CIBAR1: variants seen among roughly 807,000 people sequenced by gnomAD.
CIBAR1 encodes the protein CBY1-interacting BAR domain-containing protein 1.
CIBAR1 carries 25 observed loss-of-function variants against 44.0 expected under a neutral mutation model. That is an observed-to-expected ratio of 0.57 (90% CI 0.41 to 0.79). CIBAR1 has a LOEUF of 0.79. Among genes scored for constraint, CIBAR1 ranks in the 30% least tolerant of loss-of-function variants. The probability of loss-of-function intolerance (pLI) is 0.00; values close to 1 mark genes in which losing one functional copy is unlikely to be tolerated. For missense variants in CIBAR1, 278 were observed against 344.8 expected, an observed-to-expected ratio of 0.81 and a Z score of 1.53; for synonymous variants, 115 against 119.0, an observed-to-expected ratio of 0.97 and a Z score of 0.22.
intron 5 of CIBAR1, 80 bp downstream of exon 5, chr8:93,708,096 A>C: frequency 8.7e-7 from 1 of 1,144,740 alleles, no homozygotes; most frequent in South Asian, 1.8e-5. Flanking sequence ...CATTTTCTTG[A>C]AAAAGAAAGC....
At chr8:93,724,550 C>G in intron 7 of CIBAR1, 2 of 1,231,820 alleles carry the variant, frequency 1.6e-6, no homozygotes, top group South Asian at 1.3e-5. Flanking sequence ...GTCTTGAACT[C>G]CTGGGGCTCA....
chr8:93,705,287 T>TTA, intron 4 of CIBAR1: 1 of 402,924 alleles, frequency 2.5e-6, no homozygotes, highest in Non-Finnish European at 4.4e-6. Context: ...TTTCTGAATT[T>TTA]TATTTTCACA....
Position 93,703,620 on chromosome 8 carries a change from G to A in CIBAR1, c.262G>A (p.Val88Ile). The A allele has an allele frequency of 1.3e-6, 2 of 1,531,272 alleles. No individual in the cohort carries two copies. Among genetic ancestry groups the A allele is most frequent in the Non-Finnish European group, 1.8e-6 (2 of 1,132,842 alleles). The allele number at this position is 1,531,272 out of a possible 1,614,324, so 94.9% of individuals were successfully genotyped here. A position where few individuals can be genotyped will look rare whatever the true frequency, so the allele number is the denominator to read the frequency against. ...AKLQDYRQAE[V>I]ERLEAKVVEP... ...TTAAAATTTTAATAATTTTCAATAG[G>A]TTGAAAGACTTGAAGCCAAAGTAGT... Residue 88 changes from valine to isoleucine, a missense_variant and splice_region_variant, in exon 3 of 9, where the codon GTT becomes ATT. By Grantham distance (29) the Val-to-Ile change is conservative. Transcript: ENST00000518322.
chr8:93,701,002 G>A (rs1810322198), intron 1 of CIBAR1: 1 of 1,419,470 alleles, frequency 7.0e-7, no homozygotes, highest in Non-Finnish European at 9.2e-7. Flanking sequence ...CCCCAGTTAA[G>A]GCCAGGCCCA....
At chr8:93,724,705 C>T (rs1811406392) in intron 7 of CIBAR1, 15 of 1,108,456 alleles carry the variant, frequency 1.4e-5, no homozygotes, top group Non-Finnish European at 1.7e-5. Flanking sequence ...GTAAAGTAGC[C>T]ATTAGGCATA....
intron 6 of CIBAR1, among the ~76,000 whole-genome samples, chr8:93,710,538 T>G (rs528058065): frequency 3.3e-5 from 5 of 151,918 alleles, no homozygotes; most frequent in African/African-American, 4.8e-5. Context: ...TGAGGTGGTG[T>G]TATGAAATTA....
At position 93,707,994 on chromosome 8, in the gene CIBAR1, T is replaced by C; in HGVS notation, c.433-17T>C. The C allele has an allele frequency of 6.4e-7, 1 of 1,552,532 alleles. No individual in the cohort carries two copies. The highest frequency in any genetic ancestry group is 1.4e-5 in the African/African-American group (1 of 74,064). On this transcript the variant is annotated splice_polypyrimidine_tract_variant and intron_variant, in intron 4 of 8. Transcript: ENST00000518322. ...ACTCTCTTTGAAATGTATTTTTTCC[T>C]TTATGAAAAATTTCAGTCACAGGTG...
At position 93,704,958 on chromosome 8, in the gene CIBAR1, TAACTC is replaced by T. The variant is rs1298765168; in HGVS notation, c.382_386del (p.Thr128ValfsTer11). On this transcript the variant is annotated frameshift_variant, in exon 4 of 9. Transcript: ENST00000518322. LOFTEE classifies it high-confidence loss of function. ...GCAAGGAATCGAGAAGCTAAGCAAT[TAACTC>T]AGTTAGAAAGAACACGTCAGCGAAA... is the stretch of plus-strand genomic sequence containing the variant. 3 of 1,612,442 alleles carry T rather than the reference TAACTC, an allele frequency of 1.9e-6. No individual in the cohort carries two copies. Among genetic ancestry groups the T allele is most frequent in the East Asian group, 4.5e-5 (2 of 44,804 alleles).
Position 93,729,516 on chromosome 8 carries a change from T to C in CIBAR1, c.*1219T>C, listed in dbSNP as rs1002118153. The stretch of plus-strand genomic sequence containing the variant: ...CAACTTCTCTTGAGCATTATTTGCC[T>C]TGTTTGTAAAGTTAAAACTGCGTAA... On this transcript the variant is annotated 3_prime_UTR_variant, in exon 9 of 9. Coordinates refer to ENST00000518322, the MANE Select transcript of CIBAR1 (RefSeq NM_145269.5). The C allele has an allele frequency of 1.2e-4, 18 of 152,240 alleles. No homozygotes were observed. Among genetic ancestry groups the C allele is most frequent in the Admixed American group, 4.6e-4 (7 of 15,286 alleles). The allele number at this position is 152,240 out of a possible 1,614,324, so 9.4% of individuals were successfully genotyped here.
chr8:93,706,081 G>GA (rs1810569042), intron 4 of CIBAR1: 1 of 152,206 alleles, frequency 6.6e-6, no homozygotes. Context: ...ACCACATGAG[G>GA]AGTGGCTCTT....
At chr8:93,718,338 A>G (rs914329580) in intron 6 of CIBAR1, among the ~76,000 whole-genome samples, 5 of 152,254 alleles carry the variant, frequency 3.3e-5, no homozygotes, top group African/African-American at 1.2e-4. Context: ...CTAATACTTA[A>G]TAAGCATATG....
intron 7 of CIBAR1, 77 bp downstream of exon 7, chr8:93,718,865 A>G (rs1410424154): frequency 3.2e-6 from 3 of 945,144 alleles, no homozygotes; most frequent in African/African-American, 1.7e-5. Context: ...TATGTGATTA[A>G]TATCTTTTTT....
chr8:93,712,909 A>G (rs1400245741), intron 6 of CIBAR1, among the ~76,000 whole-genome samples: 1 of 150,840 alleles, frequency 6.6e-6, no homozygotes, highest in African/African-American at 2.4e-5. Flanking sequence ...CAGCCTCCCA[A>G]AGTGCTGGCA....
In CIBAR1 at chr8:93,728,349, A is replaced by G. The variant is rs1413052311; in HGVS notation, c.*52A>G. The G allele has an allele frequency of 1.7e-6, 2 of 1,196,140 alleles. No homozygotes were observed. The highest frequency in any genetic ancestry group is 2.2e-5 in the Admixed American group (1 of 45,924). The allele number at this position is 1,196,140 out of a possible 1,614,324, so 74.1% of individuals were successfully genotyped here. A position where few individuals can be genotyped will look rare whatever the true frequency, so the allele number is the denominator to read the frequency against. On this transcript the variant is annotated 3_prime_UTR_variant, in exon 9 of 9. Coordinates refer to ENST00000518322, the MANE Select transcript of CIBAR1 (RefSeq NM_145269.5). The stretch of plus-strand genomic sequence containing the variant: ...ATGACTTGAAATCCACAATGACTAA[A>G]TTGTAGAACTTTATACTCACTTTGC...
chr8:93,712,836 C>T (rs1279216460), intron 6 of CIBAR1, among the ~76,000 whole-genome samples: 1 of 138,398 alleles, frequency 7.2e-6, no homozygotes, highest in African/African-American at 2.7e-5. Context: ...AAGATAGAGA[C>T]GAGGTCTCAC....
At chr8:93,720,994 C>G (rs1811243730) in intron 7 of CIBAR1, 1 of 152,184 alleles carries the variant, frequency 6.6e-6, no homozygotes, top group African/African-American at 2.4e-5. Context: ...TTTTAATCCT[C>G]TCAATAACTT....
chr8:93,713,525 A>T (rs141825150), intron 6 of CIBAR1, among the ~76,000 whole-genome samples: 2,801 of 152,162 alleles, frequency 0.018, 38 homozygotes, highest in Non-Finnish European at 0.03. Context: ...CTCTTTTCTT[A>T]CTTGTGCTTT....
At chr8:93,720,526 T>C (rs1811223096) in intron 7 of CIBAR1, among the ~76,000 whole-genome samples, 1 of 152,212 alleles carries the variant, frequency 6.6e-6, no homozygotes, top group Admixed American at 6.5e-5. Context: ...TTCCAAACAC[T>C]ACAGCTAAGG....
intron 4 of CIBAR1, chr8:93,705,526 GTC>G (rs1234329099): frequency 1.3e-5 from 2 of 153,122 alleles, no homozygotes; most frequent in Non-Finnish European, 2.9e-5. Flanking sequence ...AGAAAGGACT[GTC>G]TACTATAACA....
Sources: gnomAD v4.1 joint callset for allele counts (sites outside exome capture counted in the v4.1 genomes callset) on GRCh38, gnomAD v4.1.1 for gene constraint, MANE v1.5 for transcripts, NCBI Gene and HGNC (gene_info 2026-07-23, HGNC 2026-07-21) for gene names.